The following ZDHHC14 variants were observed in gnomAD, a reference collection of about 807,000 sequenced individuals.
ZDHHC14 encodes the protein zDHHC palmitoyltransferase 14.
A neutral mutation model predicts 47.7 loss-of-function variants in ZDHHC14; 16 were observed. The ratio of observed to expected loss-of-function variants is 0.34; its 90% CI spans 0.23 to 0.51. The LOEUF is 0.51. Ranked by LOEUF, ZDHHC14 falls within the 20% of genes least tolerant of loss-of-function variation. The probability of loss-of-function intolerance (pLI) is 0.97; values close to 1 mark genes in which losing one functional copy is unlikely to be tolerated. For missense variants in ZDHHC14, 515 were observed against 662.5 expected (o/e 0.78, Z 2.44); for synonymous variants, 293 against 278.9 (o/e 1.05, Z -0.50).
intron 2 of ZDHHC14, among the ~76,000 whole-genome samples, chr6:157,567,438 G>A (rs979979959): frequency 2.0e-5 from 3 of 152,154 alleles, no homozygotes; most frequent in Non-Finnish European, 2.9e-5. Flanking sequence ...TTGCGGGCTT[G>A]GTTCATCTGG....
intron 1 of ZDHHC14, among the ~76,000 whole-genome samples, chr6:157,456,359 T>C (rs1023168669): frequency 1.3e-5 from 2 of 152,210 alleles, no homozygotes; most frequent in Admixed American, 1.3e-4. Context: ...TCGTTCATCC[T>C]GGGGCTGCCA....
At position 157,651,857 on chromosome 6, in the gene ZDHHC14, C is replaced by G. The variant is rs375104668; in HGVS notation, c.966-1668C>G. ...AAAGTGCTAGGATTACAGGCGTGAG[C>G]CACTGCGCCCGGTCCCTCAAGACAT... On this transcript the variant is annotated intron_variant, in intron 7 of 8. Coordinates refer to ENST00000359775, the MANE Select transcript of ZDHHC14 (RefSeq NM_024630.3). 3.2e-4 allele frequency among the ~76,000 whole-genome samples: 49 copies of G among 152,302 alleles called. 1 individual carries two copies. The highest frequency in any genetic ancestry group is 1.2e-3 in the African/African-American group (49 of 41,580).
intron 3 of ZDHHC14, among the ~76,000 whole-genome samples, chr6:157,603,707 G>A (rs1457511065): frequency 6.6e-6 from 1 of 152,212 alleles, no homozygotes; most frequent in East Asian, 1.9e-4. Context: ...GATTAGGCAA[G>A]GCTCGGCCCC....
intron 1 of ZDHHC14, among the ~76,000 whole-genome samples, chr6:157,476,736 C>A (rs549920319): frequency 6.6e-6 from 1 of 152,260 alleles, no homozygotes; most frequent in East Asian, 1.9e-4. Context: ...CCCTGGGATC[C>A]AAGGATGGTT....
Position 157,586,618 on chromosome 6 carries a change from G to C in ZDHHC14, c.407-6370G>C, listed in dbSNP as rs1783706207. Among the ~76,000 whole-genome samples, 1 of 152,178 alleles carries C rather than the reference G, an allele frequency of 6.6e-6. No homozygotes were observed. The highest frequency in any genetic ancestry group is 2.1e-4 in the South Asian group (1 of 4,834). ...CAGATCAGAATGGGTGGCAAGACGG[G>C]CTCAAGACTTGCTGTGCTCATCAGA... is the stretch of plus-strand genomic sequence containing the variant. On this transcript the variant is annotated intron_variant, in intron 2 of 8. Transcript: ENST00000359775. This position sits in a 1 kb window ranked among gnomAD's most constrained non-coding sequence, Gnocchi z 4.6.
At chr6:157,638,361 C>T (rs1313622596) in intron 5 of ZDHHC14, among the ~76,000 whole-genome samples, 2 of 152,236 alleles carry the variant, frequency 1.3e-5, no homozygotes, top group Non-Finnish European at 2.9e-5. Context: ...ATTTCCTCCC[C>T]TTTTCTTTGT....
rs541613632 is a variant in ZDHHC14 at position 157,498,820 on chromosome 6, C to T, written c.246-43765C>T. Among the ~76,000 whole-genome samples, 4 of 152,296 alleles carry T rather than the reference C, an allele frequency of 2.6e-5. No homozygotes were observed. The East Asian group carries it at 7.7e-4, about 29-fold the overall frequency. On this transcript the variant is annotated intron_variant, in intron 1 of 8. Transcript: ENST00000359775. The stretch of plus-strand genomic sequence containing the variant: ...CAGAGAATAGTGCAAAAACATCTGT[C>T]AAGCTAAACTTGGGACTTTATTAAT...
intron 3 of ZDHHC14, among the ~76,000 whole-genome samples, chr6:157,611,361 C>T (rs150441041): frequency 1.1e-3 from 173 of 152,204 alleles, no homozygotes; most frequent in African/African-American, 3.8e-3. Context: ...ATGCGTCTAA[C>T]GTAAATTTTT....
At chr6:157,611,440 C>A (rs1784746512) in intron 3 of ZDHHC14, among the ~76,000 whole-genome samples, 1 of 152,120 alleles carries the variant, frequency 6.6e-6, no homozygotes, top group Non-Finnish European at 1.5e-5. Flanking sequence ...AGTGAGATTA[C>A]ATGTCTAATA....
At chr6:157,621,704 A>G (rs188408224) in intron 3 of ZDHHC14, among the ~76,000 whole-genome samples, 95 of 152,318 alleles carry the variant, frequency 6.2e-4, no homozygotes, top group African/African-American at 2.2e-3. Flanking sequence ...GGAGAGTTCA[A>G]ATTCTTAACA....
chr6:157,434,218 T>TATATATATATATA (rs1778395465), intron 1 of ZDHHC14, among the ~76,000 whole-genome samples: 1 of 146,524 alleles, frequency 6.8e-6, no homozygotes, highest in African/African-American at 2.6e-5. Flanking sequence ...GCTTATAATT[T>TATATATATATATA]TATATATATA....
chr6:157,516,573 G>A (rs1346067583), intron 1 of ZDHHC14, among the ~76,000 whole-genome samples: 1 of 152,158 alleles, frequency 6.6e-6, no homozygotes, highest in African/African-American at 2.4e-5. Context: ...TCTTCATGAG[G>A]GACTGGAGCC....
Position 157,542,610 on chromosome 6 carries a change from A to T in ZDHHC14, c.271A>T (p.Thr91Ser), listed in dbSNP as rs762086447. 6.2e-7 allele frequency: 1 copy of T among 1,613,640 alleles called. No individual in the cohort carries two copies. The highest frequency in any genetic ancestry group is 1.3e-5 in the African/African-American group (1 of 74,780). ...CTGTCCGTACCTGGCGGTGAAAATCACCCCTGCCATCCCTGCAGTCGCTGG... is the reference window on the plus strand; with the variant it reads ...CTGTCCGTACCTGGCGGTGAAAATCTCCCCTGCCATCCCTGCAGTCGCTGG... ...FDCPYLAVKI[T>S]PAIPAVAGIL... Residue 91 changes from threonine to serine, a missense_variant, in exon 2 of 9, where the codon ACC becomes TCC. This residue lies in a region of ZDHHC14 where 229 missense variants were observed against 351.5 expected (regional missense o/e 0.65). Coordinates refer to ENST00000359775, the MANE Select transcript of ZDHHC14 (RefSeq NM_024630.3).
chr6:157,496,837 C>T (rs936375055), intron 1 of ZDHHC14, among the ~76,000 whole-genome samples: 8 of 152,232 alleles, frequency 5.3e-5, no homozygotes, highest in Admixed American at 6.5e-5. Context: ...ATACACACGC[C>T]GACCTGCATG....
chr6:157,616,357 G>A (rs2114931152), intron 3 of ZDHHC14, among the ~76,000 whole-genome samples: 1 of 152,326 alleles, frequency 6.6e-6, no homozygotes, highest in Admixed American at 6.5e-5. Context: ...CAAAGAAGAG[G>A]CAGCTTGTGA....
chr6:157,482,126 T>C (rs2114716577), intron 1 of ZDHHC14, among the ~76,000 whole-genome samples: 1 of 152,340 alleles, frequency 6.6e-6, no homozygotes, highest in South Asian at 2.1e-4. Flanking sequence ...CTTCTTGATG[T>C]TCTGAGAGTT....
At chr6:157,390,898 T>C (rs1377263409) in intron 1 of ZDHHC14, among the ~76,000 whole-genome samples, 1 of 152,210 alleles carries the variant, frequency 6.6e-6, no homozygotes, top group Non-Finnish European at 1.5e-5. Flanking sequence ...TTATGGGTTA[T>C]ATTTTCTTTC....
intron 5 of ZDHHC14, among the ~76,000 whole-genome samples, chr6:157,639,515 A>C (rs1777146119): frequency 6.6e-6 from 1 of 152,154 alleles, no homozygotes; most frequent in South Asian, 2.1e-4. Context: ...CATGTTGGCC[A>C]GGCTAGTCTT....
chr6:157,480,433 A>T (rs767734273), intron 1 of ZDHHC14, among the ~76,000 whole-genome samples: 1 of 151,858 alleles, frequency 6.6e-6, no homozygotes, highest in African/African-American at 2.4e-5. Flanking sequence ...ATGCCCAGCT[A>T]ATTTTTGTAT....
Sources: gnomAD v4.1 joint callset for allele counts (sites outside exome capture counted in the v4.1 genomes callset) on GRCh38, gnomAD v4.1.1 for gene constraint, gnomAD v4.1.1 regional missense constraint, Gnocchi (gnomAD v3.1) non-coding constraint, MANE v1.5 for transcripts, NCBI Gene and HGNC (gene_info 2026-07-23, HGNC 2026-07-21) for gene names.